Variants in CCDC171 observed in about 807,000 individuals in gnomAD.
CCDC171 encodes coiled-coil domain containing 171, also known as coiled-coil domain-containing protein 171.
CCDC171 carries 177 observed loss-of-function variants against 168.2 expected under a neutral mutation model. That is an observed-to-expected ratio of 1.05 (90% confidence interval 0.93 to 1.19). The LOEUF (loss-of-function observed/expected upper bound fraction) is 1.19, where lower values mean the gene tolerates loss of function less well. CCDC171 is among the 50% of genes most tolerant of loss of function. The probability of loss-of-function intolerance (pLI) is 0.00; values close to 1 mark genes in which losing one functional copy is unlikely to be tolerated. For synonymous variants in CCDC171, 687 were observed against 540.8 expected, an observed-to-expected ratio of 1.27 and a Z score of -3.75; for missense variants, 1,991 against 1,539.0, an observed-to-expected ratio of 1.29 and a Z score of -4.91.
At chr9:15,564,737 CTCCT>C (rs1466133409) in intron 2 of CCDC171, among the ~76,000 whole-genome samples, 4 of 152,202 alleles carry the variant, frequency 2.6e-5, no homozygotes, top group African/African-American at 9.7e-5. Context: ...GTGCCACTCT[CTCCT>C]AAGTGTGCTT....
At chr9:15,937,255 T>G (rs1188250458) in intron 25 of CCDC171, among the ~76,000 whole-genome samples, 2 of 152,034 alleles carry the variant, frequency 1.3e-5, no homozygotes, top group African/African-American at 4.8e-5. Context: ...TAAAAAATGT[T>G]GTGTTTGAAA....
At chr9:15,713,861 T>A (rs990132471) in intron 11 of CCDC171, among the ~76,000 whole-genome samples, 1 of 151,512 alleles carries the variant, frequency 6.6e-6, no homozygotes. Context: ...TTAAGATTTC[T>A]ACATACTAGA....
chr9:15,910,370 T>G (rs1823441829), intron 24 of CCDC171, among the ~76,000 whole-genome samples: 1 of 152,202 alleles, frequency 6.6e-6, no homozygotes, highest in Non-Finnish European at 1.5e-5. Flanking sequence ...AAAGATCAGT[T>G]GGCTGTAGGT....
chr9:15,759,591 C>T (rs973512712), intron 18 of CCDC171, among the ~76,000 whole-genome samples: 2 of 152,022 alleles, frequency 1.3e-5, no homozygotes, highest in Admixed American at 1.3e-4. Context: ...CTTTTCTTGC[C>T]CATGATCTTG....
chr9:16,081,837 A>T, the CCDC171 span, among the ~76,000 whole-genome samples: 3 of 151,752 alleles, frequency 2.0e-5, no homozygotes, highest in South Asian at 4.2e-4. Context: ...TAAAGTGTTT[A>T]CTTCTTATTG....
intron 24 of CCDC171, among the ~76,000 whole-genome samples, chr9:15,876,591 T>A (rs946440659): frequency 6.6e-6 from 1 of 152,180 alleles, no homozygotes; most frequent in African/African-American, 2.4e-5. Context: ...TAGACACATA[T>A]GTTACATGGT....
At chr9:16,047,274 C>A (rs920408629) in intron 1 of CCDC171, among the ~76,000 whole-genome samples, 3 of 152,134 alleles carry the variant, frequency 2.0e-5, no homozygotes, top group Non-Finnish European at 4.4e-5. Flanking sequence ...TAAATCTGTG[C>A]CCTCCCTGGT....
chr9:15,595,403 G>T (rs770660690), intron 6 of CCDC171, among the ~76,000 whole-genome samples: 3 of 152,036 alleles, frequency 2.0e-5, no homozygotes, highest in Non-Finnish European at 4.4e-5. Flanking sequence ...GTGGTGTTTG[G>T]TTTTTTCTCC....
At chr9:15,996,822 A>G (rs1480767247) in intron 3 of CCDC171, among the ~76,000 whole-genome samples, 2 of 152,240 alleles carry the variant, frequency 1.3e-5, no homozygotes, top group Non-Finnish European at 2.9e-5. Flanking sequence ...TTAAAATATT[A>G]CATAAATGAA....
rs903224869 is a variant in CCDC171, at chr9:15,945,935, T to C, written c.3753+25513T>C. 5.3e-4 allele frequency among the ~76,000 whole-genome samples: 80 copies of C among 151,112 alleles called. 1 individual carries two copies. Among genetic ancestry groups the C allele is most frequent in the Non-Finnish European group, 8.3e-4 (56 of 67,700 alleles). ...TTTGGTTGCCATTGCTTTTGGTGTT[T>C]TAGACATGAAGTCCTTGCCCATGCC... On this transcript the variant is annotated intron_variant, in intron 25 of 25. Transcript: ENST00000380701.
intron 11 of CCDC171, among the ~76,000 whole-genome samples, chr9:15,720,893 G>T (rs1258849656): frequency 1.3e-5 from 2 of 152,132 alleles, no homozygotes; most frequent in African/African-American, 4.8e-5. Context: ...CCTGTGTCAA[G>T]TGTTCTCATT....
intron 24 of CCDC171, among the ~76,000 whole-genome samples, chr9:15,881,593 G>T (rs1818653349): frequency 6.6e-6 from 1 of 152,018 alleles, no homozygotes; most frequent in Non-Finnish European, 1.5e-5. Flanking sequence ...CCATATATTT[G>T]TACCCATTAA....
chr9:15,841,916 T>C lies in CCDC171; in HGVS notation c.3268-4786T>C, dbSNP rs74607497. Among the ~76,000 whole-genome samples the C allele has an allele frequency of 7.9e-3, 1,202 of 152,136 alleles. 18 individuals carry two copies. Among genetic ancestry groups the C allele is most frequent in the African/African-American group, 0.027 (1,120 of 41,562 alleles). ...GTATTTAATTAATTCTTGATTAATA[T>C]AATTTTTTAGTTGTTACATAACAGT... On this transcript the variant is annotated intron_variant, in intron 21 of 25. Coordinates refer to ENST00000380701, the MANE Select transcript of CCDC171 (RefSeq NM_173550.4).
At chr9:15,614,111 T>C (rs2043912124) in intron 6 of CCDC171, among the ~76,000 whole-genome samples, 2 of 152,244 alleles carry the variant, frequency 1.3e-5, no homozygotes, top group African/African-American at 4.8e-5. Context: ...TGCTTCCTAC[T>C]TGCACAGAGC....
intron 18 of CCDC171, among the ~76,000 whole-genome samples, chr9:15,754,760 A>G (rs1443510147): frequency 6.6e-6 from 1 of 152,162 alleles, no homozygotes; most frequent in Non-Finnish European, 1.5e-5. Context: ...CCTATCTCAT[A>G]GAGTTATTTA....
chr9:15,569,334 A>T (rs1337343698), intron 2 of CCDC171, among the ~76,000 whole-genome samples: 2 of 152,322 alleles, frequency 1.3e-5, no homozygotes, highest in African/African-American at 4.8e-5. Flanking sequence ...GAACTTGGGT[A>T]ATAGGGGGTC....
At chr9:15,901,005 G>A (rs1821568190) in intron 24 of CCDC171, among the ~76,000 whole-genome samples, 1 of 152,112 alleles carries the variant, frequency 6.6e-6, no homozygotes, top group South Asian at 2.1e-4. Context: ...TTTTAAGTCA[G>A]CTTCCCTAAC....
Position 15,591,482 on chromosome 9 carries a change from A to T in CCDC171, c.469A>T (p.Asn157Tyr). Residue 157 changes from asparagine to tyrosine, a missense_variant, in exon 5 of 26, where the codon AAT becomes TAT. By Grantham distance (143) the Asn-to-Tyr change is moderately radical. Transcript: ENST00000380701. The part of the protein sequence containing the change: ...RFEHDLEERD[N>Y]MIQNCNREYD... ...TGAACATGATTTGGAGGAAAGAGAC[A>T]ATATGATCCAAAATTGCAATCGAGA... 6.2e-7 allele frequency: 1 copy of T among 1,608,186 alleles called. No individual in the cohort carries two copies. The highest frequency in any genetic ancestry group is 1.1e-5 in the South Asian group (1 of 89,644).
At chr9:15,904,547 A>G (rs2987050) in intron 24 of CCDC171, among the ~76,000 whole-genome samples, 129,968 of 151,762 alleles carry the variant, frequency 0.86, 55,736 homozygotes, top group East Asian at 0.96. Flanking sequence ...AGGGACAACC[A>G]GTACCAGCCA....
Sources: gnomAD v4.1 joint callset for allele counts (sites outside exome capture counted in the v4.1 genomes callset) on GRCh38, gnomAD v4.1.1 for gene constraint, MANE v1.5 for transcripts, NCBI Gene and HGNC (gene_info 2026-07-23, HGNC 2026-07-21) for gene names.